The following TRIM14 variants were observed in gnomAD, a reference collection of about 807,000 sequenced individuals.
TRIM14 encodes the protein tripartite motif-containing protein 14.
A neutral mutation model predicts 44.5 loss-of-function variants in TRIM14; 28 were observed. That is an observed-to-expected ratio of 0.63 (90% CI 0.47 to 0.86). The LOEUF is 0.86. TRIM14 is among the 40% of genes least tolerant of loss of function. The pLI, the probability that TRIM14 is intolerant of heterozygous loss-of-function variation, is 0.00. For missense variants in TRIM14, 607 were observed against 611.1 expected, an observed-to-expected ratio of 0.99 and a Z score of 0.07; for synonymous variants, 299 against 269.2, an observed-to-expected ratio of 1.11 and a Z score of -1.08.
rs756632629 is a variant in TRIM14, at chr9:98,087,683, C to G, written c.1116G>C (p.Trp372Cys). Residue 372 changes from tryptophan to cysteine, a missense_variant, in exon 6 of 6, where the codon TGG (tryptophan) becomes TGC (cysteine). Trp to Cys is a radical substitution (Grantham distance 215, BLOSUM62 -2). Around this residue, in one of 3 missense-constraint regions of TRIM14, gnomAD observed 356 missense variants for 323.0 expected, o/e 1.10. Transcript: ENST00000341469. ...WCLKRYDLEY[W>C]AFHDGQRSRL... is the part of the protein sequence containing the mutation. ...GGCTGCGCTGGCCGTCGTGGAAGGC[C>G]CAGTACTCAAGGTCGTAGCGCTTGA... 6 of 1,601,734 alleles carry G rather than the reference C, an allele frequency of 3.7e-6. No individual in the cohort carries two copies. Among genetic ancestry groups the G allele is most frequent in the Non-Finnish European group, 5.1e-6 (6 of 1,178,676 alleles).
In TRIM14 at chr9:98,078,266, C is replaced by T. The variant is rs757264557; in HGVS notation, c.*29-8579G>A. The T allele has an allele frequency of 2.5e-6, 4 of 1,614,046 alleles. No individual in the cohort carries two copies. In the Admixed American group the frequency reaches 5.0e-5, roughly 20 times the overall value. On this transcript the variant is annotated intron_variant, in intron 6 of 6. Coordinates refer to the TRIM14 transcript ENST00000375098. Reference sequence around the variant, plus strand: ...AGCAAGTTTATCAGATCGTGAAGCCCCTCAACCCCAACTTCTGCTTCTTGC... The same window carrying T: ...AGCAAGTTTATCAGATCGTGAAGCCTCTCAACCCCAACTTCTGCTTCTTGC...
downstream of TRIM14, among the ~76,000 whole-genome samples, chr9:98,064,599 C>T (rs540400758): frequency 1.3e-5 from 2 of 152,264 alleles, no homozygotes; most frequent in Admixed American, 6.5e-5. Flanking sequence ...TATGAAGCAT[C>T]TTCACATACA....
chr9:98,089,600 T>C (rs1231461173), intron 5 of TRIM14, among the ~76,000 whole-genome samples: 4 of 152,168 alleles, frequency 2.6e-5, no homozygotes, highest in Non-Finnish European at 1.5e-5. Flanking sequence ...CACCAGGAGA[T>C]TGCCTTAAGA....
downstream of TRIM14, among the ~76,000 whole-genome samples, chr9:98,069,038 T>G (rs1416599832): frequency 6.6e-6 from 1 of 152,212 alleles, no homozygotes; most frequent in African/African-American, 2.4e-5. Flanking sequence ...GAGTTTCTTA[T>G]AAAGCTAGAT....
At chr9:98,099,462 A>G (rs1027264627) in intron 3 of TRIM14, among the ~76,000 whole-genome samples, 1 of 151,312 alleles carries the variant, frequency 6.6e-6, no homozygotes, top group African/African-American at 2.4e-5. Flanking sequence ...CAAAAAAAAA[A>G]AAAAAAAAAA....
chr9:98,078,055 C>A, intron 6 of TRIM14: 1 of 1,301,968 alleles, frequency 7.7e-7, no homozygotes, highest in Non-Finnish European at 1.1e-6. Context: ...TCTCTGTTCC[C>A]CCACAGGGGC....
chr9:98,056,620 C>T, the TRIM14 span: 5 of 872,526 alleles, frequency 5.7e-6, no homozygotes, highest in South Asian at 9.6e-5. Context: ...GCCCCGCCCC[C>T]GCCCCCCGCC....
chr9:98,048,952 G>A, the TRIM14 span, among the ~76,000 whole-genome samples: 73 of 151,822 alleles, frequency 4.8e-4, 1 homozygote, highest in African/African-American at 1.7e-3. Flanking sequence ...CCTGGGAGGC[G>A]GAGGTTGCAG....
intron 6 of TRIM14, among the ~76,000 whole-genome samples, chr9:98,077,735 A>C (rs940815866): frequency 6.6e-6 from 1 of 152,170 alleles, no homozygotes; most frequent in African/African-American, 2.4e-5. Flanking sequence ...GAAACAGGTC[A>C]TGATTATGAT....
chr9:98,044,370 T>C, the TRIM14 span, among the ~76,000 whole-genome samples: 11 of 59,210 alleles, frequency 1.9e-4, no homozygotes, highest in Non-Finnish European at 3.1e-4. Flanking sequence ...CCCTTTCTCT[T>C]TTTTTTTTTT....
exon 7 of TRIM14, chr9:98,069,572 AG>A (rs1829251197): frequency 6.6e-6 from 1 of 152,348 alleles, no homozygotes; most frequent in African/African-American, 2.4e-5. Context: ...GCGCCCAGCC[AG>A]GAATGAACTA....
chr9:98,112,452 C>G (rs1387756160), intron 1 of TRIM14, among the ~76,000 whole-genome samples: 1 of 152,116 alleles, frequency 6.6e-6, no homozygotes, highest in African/African-American at 2.4e-5. Context: ...TCTAGAAGGT[C>G]TGTGGAAGAT....
Position 98,118,993 on chromosome 9 carries a change from C to T in TRIM14, c.196G>A (p.Val66Met). 6.4e-7 allele frequency: 1 copy of T among 1,550,840 alleles called. No individual in the cohort carries two copies. The highest frequency in any genetic ancestry group is 1.2e-5 in the South Asian group (1 of 86,150). The part of the protein sequence containing the change: ...HPVGLALEAA[V>M]HVQKLSQECL... ...CCCATCGTCCCCACCTGCACGTGCA[C>T]CGCTGCCTCCAGCGCCAGGCCCACA... The change falls in exon 1 of 6, where the codon GTG becomes ATG. Residue 66 changes from valine (V) to methionine (M), a missense_variant. Coordinates refer to ENST00000341469, the MANE Select transcript of TRIM14 (RefSeq NM_014788.4).
chr9:98,052,215 G>T, the TRIM14 span, among the ~76,000 whole-genome samples: 1 of 151,928 alleles, frequency 6.6e-6, no homozygotes, highest in Admixed American at 6.6e-5. Flanking sequence ...CCTAGAATGG[G>T]GTCTGTGACA....
intron 5 of TRIM14, 68 bp from the exon 6 acceptor site, chr9:98,088,073 C>G: frequency 7.2e-7 from 1 of 1,380,562 alleles, no homozygotes; most frequent in Non-Finnish European, 9.3e-7. Context: ...CCCCGGGAAC[C>G]CACCAACGCA....
the TRIM14 span, chr9:98,057,057 G>T: frequency 5.1e-4 from 680 of 1,325,142 alleles, 7 homozygotes; most frequent in East Asian, 0.019. Flanking sequence ...GCCTCTTCCC[G>T]CCCGCCAGTT....
downstream of TRIM14, among the ~76,000 whole-genome samples, chr9:98,065,500 T>TTTTTC (rs1391247883): frequency 2.2e-5 from 3 of 138,818 alleles, no homozygotes; most frequent in African/African-American, 8.3e-5. Flanking sequence ...TTTTTTTTTT[T>TTTTTC]TTTTTTTTTT....
chr9:98,092,510 G>T, intron 4 of TRIM14: 1 of 429,064 alleles, frequency 2.3e-6, no homozygotes. Context: ...CCGCAGAAGT[G>T]CCTTCCGCCC....
chr9:98,087,835 G>A lies in TRIM14; in HGVS notation c.964C>T (p.His322Tyr). 1 of 1,543,690 alleles carries A rather than the reference G, an allele frequency of 6.5e-7. No homozygotes were observed. Among genetic ancestry groups the A allele is most frequent in the Non-Finnish European group, 8.6e-7 (1 of 1,156,862 alleles). The stretch of plus-strand genomic sequence containing the variant: ...TCCTGCACGTCAACCTCCCAGTAGT[G>A]GCGGCCGGTGGCGAAGCAGTCACGA... ...LARDCFATGRHYWEVDVQEAG... is the reference protein window; with the variant it reads ...LARDCFATGRYYWEVDVQEAG... The change falls in exon 6 of 6, where the codon CAC (histidine) becomes TAC (tyrosine). Residue 322 changes from histidine to tyrosine, a missense_variant. By Grantham distance (83) the His-to-Tyr change is moderately conservative (BLOSUM62 2). Coordinates refer to ENST00000341469, the MANE Select transcript of TRIM14 (RefSeq NM_014788.4).
Sources: allele counts gnomAD v4.1 joint callset (sites outside exome capture counted in the v4.1 genomes callset), GRCh38; gene constraint gnomAD v4.1.1; regional missense constraint gnomAD v4.1.1; transcripts MANE v1.5; gene names NCBI Gene and HGNC (gene_info 2026-07-23, HGNC 2026-07-21).